ERBB4: variants seen among roughly 807,000 people sequenced by gnomAD.
The protein encoded by ERBB4 is erb-b2 receptor tyrosine kinase 4.
ERBB4 carries 42 observed loss-of-function variants against 158.0 expected under a neutral mutation model. The ratio of observed to expected loss-of-function variants is 0.27; its 90% CI spans 0.21 to 0.34. The LOEUF is 0.34. ERBB4 is among the 10% of genes least tolerant of loss of function. The pLI is 1.00. For synonymous variants in ERBB4, 583 were observed against 558.7 expected (o/e 1.04, Z -0.61); for missense variants, 1,333 against 1,624.1 (o/e 0.82, Z 3.08).
intron 19 of ERBB4, among the ~76,000 whole-genome samples, chr2:211,591,326 C>A (rs2068456170): frequency 6.6e-6 from 1 of 152,182 alleles, no homozygotes; most frequent in South Asian, 2.1e-4. Context: ...TAGTTTAACA[C>A]ATGAGGGTCT....
intron 19 of ERBB4, among the ~76,000 whole-genome samples, chr2:211,584,257 A>C (rs1396524117): frequency 6.6e-5 from 10 of 151,798 alleles, no homozygotes; most frequent in Admixed American, 6.6e-4. Context: ...TATTAGCACT[A>C]TTTTGGGGTA....
chr2:212,369,520 T>C (rs992548924), intron 1 of ERBB4, among the ~76,000 whole-genome samples: 3 of 152,206 alleles, frequency 2.0e-5, no homozygotes, highest in African/African-American at 7.2e-5. Flanking sequence ...TCTTCACTCA[T>C]CTCTACTTAT....
intron 1 of ERBB4, among the ~76,000 whole-genome samples, chr2:212,509,426 G>A (rs78542174): frequency 0.015 from 2,238 of 151,830 alleles, 33 homozygotes; most frequent in Non-Finnish European, 0.02. Flanking sequence ...TTATTATTGG[G>A]CAAATTTCAA....
At chr2:211,430,855 A>G in intron 21 of ERBB4, 90 bp downstream of exon 21, 1 of 1,129,116 alleles carries the variant, frequency 8.9e-7, no homozygotes, top group Non-Finnish European at 1.3e-6. Context: ...CCTAAGCTTC[A>G]GGCTTATTGG....
chr2:211,383,518 A>G lies in ERBB4; in HGVS notation c.*97T>C, dbSNP rs931272563. 3 of 965,474 alleles carry G rather than the reference A, an allele frequency of 3.1e-6. No homozygotes were observed. Among genetic ancestry groups the G allele is most frequent in the African/African-American group, 3.2e-5 (2 of 62,388 alleles). 59.8% of individuals were successfully genotyped at this position (965,474 alleles called of 1,614,324 possible). Reference sequence around the variant, plus strand: ...TCTTCCACTGGGAAGTGTCAAAACTACTGGCCTTGGGGTAGAAGGAAGACC... The same window carrying G: ...TCTTCCACTGGGAAGTGTCAAAACTGCTGGCCTTGGGGTAGAAGGAAGACC... On this transcript the variant is annotated 3_prime_UTR_variant, in exon 28 of 28. Coordinates refer to ENST00000342788, the MANE Select transcript of ERBB4 (RefSeq NM_005235.3).
chr2:212,039,378 C>G (rs1228821645), intron 2 of ERBB4, among the ~76,000 whole-genome samples: 1 of 152,122 alleles, frequency 6.6e-6, no homozygotes, highest in Non-Finnish European at 1.5e-5. Context: ...CTCTGACAAC[C>G]GTAATTCTTC....
Position 211,638,498 on chromosome 2 carries a change from C to T in ERBB4, c.1947-7904G>A, listed in dbSNP as rs143512753. Among the ~76,000 whole-genome samples the T allele has an allele frequency of 2.6e-4, 39 of 152,166 alleles. No homozygotes were observed. The East Asian group carries it at 5.2e-3, about 20-fold the overall frequency. On this transcript the variant is annotated intron_variant, in intron 16 of 27. Coordinates refer to ENST00000342788, the MANE Select transcript of ERBB4 (RefSeq NM_005235.3). ...AAGTGATCTTACAGTTTTTGGTTGA[C>T]GAGACCTGGGGTATTACAATAGGTC... is the stretch of plus-strand genomic sequence containing the variant.
chr2:211,793,076 G>A (rs2076311105), intron 3 of ERBB4, among the ~76,000 whole-genome samples: 1 of 151,592 alleles, frequency 6.6e-6, no homozygotes, highest in Non-Finnish European at 1.5e-5. Context: ...CCCTTTACTA[G>A]GTTTAAGAAA....
At chr2:212,078,960 T>A (rs1190483068) in intron 2 of ERBB4, among the ~76,000 whole-genome samples, 1 of 151,266 alleles carries the variant, frequency 6.6e-6, no homozygotes, top group African/African-American at 2.4e-5. Flanking sequence ...ACTTATTTTT[T>A]CACTTAATGT....
chr2:212,079,010 A>C (rs1048320751), intron 2 of ERBB4, among the ~76,000 whole-genome samples: 9 of 151,192 alleles, frequency 6.0e-5, no homozygotes, highest in Non-Finnish European at 5.9e-5. Context: ...GATTTACTTC[A>C]TTCCTTTTTT....
At chr2:212,026,690 G>C (rs1021848048) in intron 2 of ERBB4, among the ~76,000 whole-genome samples, 1 of 151,656 alleles carries the variant, frequency 6.6e-6, no homozygotes, top group Non-Finnish European at 1.5e-5. Flanking sequence ...ATGTTTTTTC[G>C]ATATTATTGT....
At chr2:212,376,555 G>C (rs546215800) in intron 1 of ERBB4, among the ~76,000 whole-genome samples, 1 of 152,064 alleles carries the variant, frequency 6.6e-6, no homozygotes, top group East Asian at 1.9e-4. Context: ...CCAAACAAAG[G>C]CAATTTTGTG....
intron 2 of ERBB4, among the ~76,000 whole-genome samples, chr2:212,113,995 C>G (rs1045539092): frequency 6.6e-6 from 1 of 152,036 alleles, no homozygotes; most frequent in Admixed American, 6.6e-5. Context: ...ATTCTTATGG[C>G]TATAAAATTT....
At chr2:211,504,655 A>G (rs1165525305) in intron 20 of ERBB4, among the ~76,000 whole-genome samples, 1 of 152,250 alleles carries the variant, frequency 6.6e-6, no homozygotes, top group East Asian at 1.9e-4. Context: ...CAAGATATGG[A>G]TTGCAAGGAA....
intron 1 of ERBB4, among the ~76,000 whole-genome samples, chr2:212,178,826 T>C (rs1256094822): frequency 1.3e-5 from 2 of 151,660 alleles, no homozygotes; most frequent in East Asian, 3.9e-4. Context: ...TACAATAATT[T>C]AAAAATACAT....
At chr2:212,475,274 C>CT (rs1431600139) in intron 1 of ERBB4, among the ~76,000 whole-genome samples, 9 of 152,278 alleles carry the variant, frequency 5.9e-5, no homozygotes, top group African/African-American at 2.2e-4. Flanking sequence ...GTTCTCTGCT[C>CT]TGCAGTCATC....
chr2:211,538,843 G>T (rs1460018670), intron 20 of ERBB4, among the ~76,000 whole-genome samples: 1 of 151,722 alleles, frequency 6.6e-6, no homozygotes, highest in African/African-American at 2.4e-5. Context: ...GTATGTTGTG[G>T]GACAGAAAAC....
Position 211,946,203 on chromosome 2 carries a change from T to C in ERBB4, c.421+1227A>G, listed in dbSNP as rs891192384. Among the ~76,000 whole-genome samples, 22 of 152,046 alleles carry C rather than the reference T, an allele frequency of 1.4e-4. 1 individual carries two copies. Among genetic ancestry groups the C allele is most frequent in the African/African-American group, 5.1e-4 (21 of 41,460 alleles). On this transcript the variant is annotated intron_variant, in intron 3 of 27. Transcript: ENST00000342788. ...TTTCATCAACTCTATAGCAATCATG[T>C]CCAAAATAAATAACACAATCAGTAT... is the stretch of plus-strand genomic sequence containing the variant.
chr2:211,899,516 A>G (rs75708230), intron 3 of ERBB4, among the ~76,000 whole-genome samples: 1 of 152,082 alleles, frequency 6.6e-6, no homozygotes, highest in Non-Finnish European at 1.5e-5. Flanking sequence ...AACCAATCAC[A>G]AAGTAATTTA....
Sources: gnomAD v4.1 joint callset for allele counts (sites outside exome capture counted in the v4.1 genomes callset) on GRCh38, gnomAD v4.1.1 for gene constraint, MANE v1.5 for transcripts, NCBI Gene and HGNC (gene_info 2026-07-23, HGNC 2026-07-21) for gene names.